Variants in MYOF observed in about 807,000 individuals in gnomAD.
MYOF encodes the protein myoferlin, also known as fer-1-like 3, myoferlin.
In MYOF, 244 loss-of-function variants were observed where a neutral mutation model predicts 284.2. The ratio of observed to expected loss-of-function variants is 0.86; its 90% CI spans 0.77 to 0.95. The LOEUF is 0.95. Ranked by LOEUF, MYOF falls within the 40% of genes least tolerant of loss-of-function variation. MYOF has a pLI of 0.00. For missense variants in MYOF, 2,496 were observed against 2,560.6 expected (o/e 0.97, Z 0.54); for synonymous variants, 904 against 919.7 (o/e 0.98, Z 0.31).
intron 5 of MYOF, among the ~76,000 whole-genome samples, chr10:93,412,204 C>T (rs2134136803): frequency 6.6e-6 from 1 of 152,294 alleles, no homozygotes; most frequent in East Asian, 1.9e-4. Flanking sequence ...TTTCACACTG[C>T]CTCTCTGGTA....
chr10:93,363,836 G>C lies in MYOF; in HGVS notation c.2868+125C>G, dbSNP rs1409874799. 5.8e-6 allele frequency: 4 copies of C among 688,200 alleles called. No individual in the cohort carries two copies. In the Admixed American group the frequency reaches 1.2e-4, roughly 21 times the overall value. 42.6% of individuals were successfully genotyped at this position (688,200 alleles called of 1,614,324 possible). ...TGTGTGGCTTAAGCTATAAGTGGAA[G>C]ACTCTTCAGAACATAAGATGGAGCG... On this transcript the variant is annotated intron_variant, in intron 27 of 53. Transcript: ENST00000359263.
chr10:93,411,586 G>A (rs1482635918), intron 5 of MYOF, among the ~76,000 whole-genome samples: 2 of 152,182 alleles, frequency 1.3e-5, no homozygotes, highest in African/African-American at 4.8e-5. Flanking sequence ...GCTATGGGGG[G>A]TGTGGGGATG....
At position 93,409,639 on chromosome 10, in the gene MYOF, A is replaced by G; in HGVS notation, c.534T>C (p.Leu178=). The part of the protein sequence containing the change: ...GPVGTVSEAQ[L]ARRLTKVKNS... ...TCTTTACTTTGGTGAGCCTCCGAGC[A>G]AGCTGAGCTTCCGACACCGTCCCAA... The change falls in exon 6 of 54, where the codon CTT becomes CTC. Residue 178 remains leucine (L), a synonymous_variant. Transcript: ENST00000359263. 2 of 1,614,238 alleles carry G rather than the reference A, an allele frequency of 1.2e-6. No homozygotes were observed. Among genetic ancestry groups the G allele is most frequent in the Non-Finnish European group, 1.7e-6 (2 of 1,180,040 alleles).
rs573332109 is a variant in MYOF, at chr10:93,336,321, C to G, written c.4438-275G>C. 2.0e-5 allele frequency among the ~76,000 whole-genome samples: 3 copies of G among 152,306 alleles called. No homozygotes were observed. The South Asian group carries it at 6.2e-4, about 32-fold the overall frequency. On this transcript the variant is annotated intron_variant, in intron 40 of 53. Coordinates refer to ENST00000359263, the MANE Select transcript of MYOF (RefSeq NM_013451.4). The stretch of plus-strand genomic sequence containing the variant: ...CACGTACACATGGTAGAAGAATGTT[C>G]ACAGCAGCTTCATTATCAGGAGAAT...
At chr10:93,457,590 C>T (rs1054880737) in intron 1 of MYOF, among the ~76,000 whole-genome samples, 4 of 152,152 alleles carry the variant, frequency 2.6e-5, no homozygotes, top group Admixed American at 6.5e-5. Context: ...GATGAGCACA[C>T]GAGCAAATCC....
At chr10:93,351,072 A>T in intron 35 of MYOF, 125 bp downstream of exon 35, 1 of 1,023,572 alleles carries the variant, frequency 9.8e-7, no homozygotes, top group South Asian at 1.5e-5. Context: ...GTTTTTGGAC[A>T]AGTTGTAAAG....
intron 49 of MYOF, 90 bp downstream of exon 49, chr10:93,319,782 G>A (rs535497111): frequency 1.6e-5 from 25 of 1,554,760 alleles, no homozygotes; most frequent in Admixed American, 5.2e-5. Flanking sequence ...AGTGACCTCC[G>A]AGATCCTGAG....
Position 93,374,844 on chromosome 10 carries a change from C to T in MYOF, c.2220G>A (p.Met740Ile), listed in dbSNP as rs765479645. 1.6e-5 allele frequency: 26 copies of T among 1,614,228 alleles called. No homozygotes were observed. Among genetic ancestry groups the T allele is most frequent in the Non-Finnish European group, 2.2e-5 (26 of 1,180,034 alleles). ...LSQIHEAAVR[M>I]RSEATDVKST... ...ACTTCACATCTGTGGCTTCCGACCTCATCCTCACAGCCGCCTCATGTATTT... is the reference window on the plus strand; with the variant it reads ...ACTTCACATCTGTGGCTTCCGACCTTATCCTCACAGCCGCCTCATGTATTT... Residue 740 changes from methionine to isoleucine, a missense_variant, in exon 23 of 54, where the codon ATG (methionine) becomes ATA (isoleucine). Met to Ile is a conservative substitution (Grantham distance 10, BLOSUM62 1). This residue lies in a region of MYOF where 2,436 missense variants were observed against 2,480.7 expected (regional missense o/e 0.98). Transcript: ENST00000359263.
In MYOF at chr10:93,366,441, G is replaced by C; in HGVS notation, c.2704C>G (p.Pro902Ala). Residue 902 changes from proline (P) to alanine (A), a missense_variant, in exon 26 of 54, where the codon CCA (proline) becomes GCA (alanine). By Grantham distance (27) the Pro-to-Ala change is conservative. Transcript: ENST00000359263. Reference protein sequence around the residue: ...IKLKREFFLPPKGWEWEGEWI... With the variant: ...IKLKREFFLPAKGWEWEGEWI... ...TCTCCTTCCCATTCCCAGCCTTTTG[G>C]AGGCAGAAAAAATTCCCTCTTGAGT... 1 of 1,613,886 alleles carries C rather than the reference G, an allele frequency of 6.2e-7. No individual in the cohort carries two copies. Among genetic ancestry groups the C allele is most frequent in the South Asian group, 1.1e-5 (1 of 91,050 alleles).
At chr10:93,441,426 C>T (rs954892798) in intron 3 of MYOF, among the ~76,000 whole-genome samples, 1 of 151,918 alleles carries the variant, frequency 6.6e-6, no homozygotes, top group African/African-American at 2.4e-5. Flanking sequence ...ACGCCGTTGC[C>T]CAGGCTGGAG....
At chr10:93,353,043 G>A (rs1844598881) in intron 32 of MYOF, among the ~76,000 whole-genome samples, 2 of 152,272 alleles carry the variant, frequency 1.3e-5, no homozygotes, top group South Asian at 2.1e-4. Flanking sequence ...ATAAAAAAGT[G>A]CAGCTCGCTG....
intron 3 of MYOF, among the ~76,000 whole-genome samples, chr10:93,433,889 C>G (rs1451078692): frequency 6.6e-6 from 1 of 152,176 alleles, no homozygotes; most frequent in African/African-American, 2.4e-5. Context: ...GATTTTAACG[C>G]TGGGGTCTGT....
intron 25 of MYOF, among the ~76,000 whole-genome samples, chr10:93,369,179 T>TC (rs1403365869): frequency 7.4e-6 from 1 of 134,408 alleles, no homozygotes; most frequent in African/African-American, 2.8e-5. Flanking sequence ...GTGAAATGGG[T>TC]CTTCAGGGGT....
intron 27 of MYOF, among the ~76,000 whole-genome samples, chr10:93,363,241 T>C (rs1335988001): frequency 1.3e-5 from 2 of 152,260 alleles, no homozygotes; most frequent in African/African-American, 4.8e-5. Flanking sequence ...TATATCCTTG[T>C]TTATGAACAG....
chr10:93,460,542 C>T (rs701879), intron 1 of MYOF, among the ~76,000 whole-genome samples: 137,021 of 152,120 alleles, frequency 0.9, 61,983 homozygotes, highest in East Asian at 1. Context: ...GGCGGGTGGA[C>T]TGCCTGAGCT....
intron 3 of MYOF, among the ~76,000 whole-genome samples, chr10:93,440,285 G>A (rs557777742): frequency 1.4e-4 from 22 of 151,998 alleles, no homozygotes; most frequent in African/African-American, 2.4e-4. Flanking sequence ...GGTGGCGGGC[G>A]CCTGTAGTCC....
intron 5 of MYOF, among the ~76,000 whole-genome samples, chr10:93,416,981 G>A (rs989301090): frequency 6.6e-6 from 1 of 152,212 alleles, no homozygotes; most frequent in East Asian, 1.9e-4. Context: ...TCCTGATGTT[G>A]TAAGAAAGGA....
At chr10:93,352,950 T>C (rs1053293912) in intron 32 of MYOF, among the ~76,000 whole-genome samples, 1 of 152,188 alleles carries the variant, frequency 6.6e-6, no homozygotes, top group Middle Eastern at 3.2e-3. Flanking sequence ...TATTGGTAAA[T>C]ATTAGTGCTT....
intron 3 of MYOF, among the ~76,000 whole-genome samples, chr10:93,445,220 G>C (rs191642354): frequency 2.6e-5 from 4 of 152,264 alleles, no homozygotes; most frequent in Admixed American, 6.5e-5. Flanking sequence ...AAGTGTACAG[G>C]CCTGGATATA....
Sources: allele counts gnomAD v4.1 joint callset (sites outside exome capture counted in the v4.1 genomes callset), GRCh38; gene constraint gnomAD v4.1.1; regional missense constraint gnomAD v4.1.1; transcripts MANE v1.5; gene names NCBI Gene and HGNC (gene_info 2026-07-23, HGNC 2026-07-21).